The following TSPAN18 variants were observed in gnomAD, a reference collection of about 807,000 sequenced individuals.
The protein encoded by TSPAN18 is tetraspanin 18.
TSPAN18 carries 14 observed loss-of-function variants against 27.3 expected under a neutral mutation model. The ratio of observed to expected loss-of-function variants is 0.51; its 90% CI spans 0.34 to 0.80. The LOEUF (loss-of-function observed/expected upper bound fraction) is 0.80, where lower values mean the gene tolerates loss of function less well. Among genes scored for constraint, TSPAN18 ranks in the 30% least tolerant of loss-of-function variants. TSPAN18 has a pLI of 0.01. For synonymous variants in TSPAN18, 143 were observed against 136.5 expected (o/e 1.05, Z -0.33); for missense variants, 268 against 323.9 (o/e 0.83, Z 1.32).
Position 44,726,978 on chromosome 11 carries a change from G to C in TSPAN18, c.-549G>C, listed in dbSNP as rs1358725801. The C allele has an allele frequency of 2.7e-5, 4 of 147,196 alleles. No individual in the cohort carries two copies. In the South Asian group the frequency reaches 7.6e-4, roughly 28 times the overall value. The allele number at this position is 147,196 out of a possible 1,614,324, so 9.1% of individuals were successfully genotyped here. ...CGGGCGTGCAGCTGCCGCCGGCGTC[G>C]CGGGGCTCCAGGCTGCGGGGCGGAC... On this transcript the variant is annotated 5_prime_UTR_variant, in exon 1 of 10. Coordinates refer to ENST00000520358, the MANE Select transcript of TSPAN18 (RefSeq NM_130783.5).
intron 3 of TSPAN18, among the ~76,000 whole-genome samples, chr11:44,866,956 C>A (rs187997892): frequency 6.6e-6 from 1 of 152,360 alleles, no homozygotes; most frequent in East Asian, 1.9e-4. Flanking sequence ...TCCTGTCACT[C>A]TCATTGGCTG....
intron 2 of TSPAN18, among the ~76,000 whole-genome samples, chr11:44,795,608 T>C (rs1181630717): frequency 6.6e-6 from 1 of 152,024 alleles, no homozygotes; most frequent in Non-Finnish European, 1.5e-5. Flanking sequence ...CTTCCAGGGA[T>C]GAGTTCACAC....
At chr11:44,910,021 G>T in intron 5 of TSPAN18, 122 bp downstream of exon 5, 1 of 1,225,840 alleles carries the variant, frequency 8.2e-7, no homozygotes. Flanking sequence ...GGGGCGGGCT[G>T]TCAAAGCAGA....
In TSPAN18 at chr11:44,869,120, C is replaced by T. The variant is rs138309660; in HGVS notation, c.-11+8651C>T. Among the ~76,000 whole-genome samples, 12 of 152,140 alleles carry T rather than the reference C, an allele frequency of 7.9e-5. No individual in the cohort carries two copies. The South Asian group carries it at 1.0e-3, about 13-fold the overall frequency. ...ACTCTTAGTGTATAGATTTAACTCT[C>T]GAAGAAAGTGATCAGCAAGGATGTG... On this transcript the variant is annotated intron_variant, in intron 3 of 9. Transcript: ENST00000520358.
At chr11:44,761,446 C>T (rs1209845329) in intron 1 of TSPAN18, among the ~76,000 whole-genome samples, 1 of 152,200 alleles carries the variant, frequency 6.6e-6, no homozygotes, top group Non-Finnish European at 1.5e-5. Context: ...ATTCTCAGCC[C>T]AGCTGGTTTC....
chr11:44,879,370 A>G (rs1858426698), intron 3 of TSPAN18, among the ~76,000 whole-genome samples: 1 of 152,144 alleles, frequency 6.6e-6, no homozygotes, highest in African/African-American at 2.4e-5. Flanking sequence ...ATTCAAGAGA[A>G]GGGGAGAGAA....
At chr11:44,762,206 C>A (rs1229552136) in intron 1 of TSPAN18, among the ~76,000 whole-genome samples, 2 of 152,096 alleles carry the variant, frequency 1.3e-5, no homozygotes, top group Non-Finnish European at 2.9e-5. Flanking sequence ...GCTATAGAGG[C>A]CAGAAATGGA....
intron 2 of TSPAN18, among the ~76,000 whole-genome samples, chr11:44,837,436 A>C (rs1857286004): frequency 6.6e-6 from 1 of 152,244 alleles, no homozygotes; most frequent in African/African-American, 2.4e-5. Context: ...AAGCAAAGAG[A>C]TGGAAACTAC....
intron 2 of TSPAN18, among the ~76,000 whole-genome samples, chr11:44,855,604 G>T (rs1332235110): frequency 6.6e-6 from 1 of 152,092 alleles, no homozygotes; most frequent in African/African-American, 2.4e-5. Context: ...TGGTGACAGT[G>T]GCAGAGCTGG....
intron 2 of TSPAN18, among the ~76,000 whole-genome samples, chr11:44,770,094 T>C (rs1245197369): frequency 6.6e-6 from 1 of 152,164 alleles, no homozygotes; most frequent in African/African-American, 2.4e-5. Flanking sequence ...GTTGGGCCCC[T>C]ACCATGTACC....
chr11:44,799,039 A>C (rs1856415544), intron 2 of TSPAN18, among the ~76,000 whole-genome samples: 1 of 83,896 alleles, frequency 1.2e-5, no homozygotes, highest in South Asian at 4.4e-4. Flanking sequence ...CCTCCCAGGC[A>C]GTGCCGCCCC....
At chr11:44,847,671 G>A (rs549732003) in intron 2 of TSPAN18, among the ~76,000 whole-genome samples, 3 of 152,036 alleles carry the variant, frequency 2.0e-5, no homozygotes, top group East Asian at 1.9e-4. Flanking sequence ...TGGGTTGTAT[G>A]GTACCTCCAG....
At chr11:44,871,716 T>A (rs1858200803) in intron 3 of TSPAN18, among the ~76,000 whole-genome samples, 1 of 152,154 alleles carries the variant, frequency 6.6e-6, no homozygotes, top group Non-Finnish European at 1.5e-5. Context: ...TTGGCCAAAA[T>A]GTGCCCTGTT....
intron 5 of TSPAN18, chr11:44,917,747 T>A (rs1367240725): frequency 1.7e-6 from 1 of 581,968 alleles, no homozygotes; most frequent in African/African-American, 1.9e-5. Flanking sequence ...ATGGAAGGTA[T>A]ATATTTGTTT....
intron 9 of TSPAN18, among the ~76,000 whole-genome samples, chr11:44,927,640 C>A (rs779468809): frequency 6.6e-6 from 1 of 152,170 alleles, no homozygotes; most frequent in Non-Finnish European, 1.5e-5. Flanking sequence ...ACACACTGAG[C>A]CCTATTCTTC....
rs959131488 is a variant in TSPAN18, at chr11:44,931,723, G to T, written c.*2545G>T. ...GGCAAAGAAAGCTCAGCCCAAATCA[G>T]GCTTGAGCCTCCCTCCAGAGCACAG... On this transcript the variant is annotated 3_prime_UTR_variant, in exon 10 of 10. Transcript: ENST00000520358. The T allele has an allele frequency of 1.3e-5, 2 of 152,254 alleles. No homozygotes were observed. Among genetic ancestry groups the T allele is most frequent in the African/African-American group, 4.8e-5 (2 of 41,442 alleles). The allele number at this position is 152,254 out of a possible 1,614,324, so 9.4% of individuals were successfully genotyped here. A position where few individuals can be genotyped will look rare whatever the true frequency, so the allele number is the denominator to read the frequency against.
intron 2 of TSPAN18, among the ~76,000 whole-genome samples, chr11:44,774,247 C>T (rs1855753682): frequency 6.6e-6 from 1 of 152,322 alleles, no homozygotes; most frequent in East Asian, 1.9e-4. Context: ...AACCAAGAGG[C>T]AGGCAGGCAT....
intron 2 of TSPAN18, among the ~76,000 whole-genome samples, chr11:44,782,428 A>G (rs1286876969): frequency 4.6e-5 from 7 of 152,092 alleles, no homozygotes; most frequent in African/African-American, 1.4e-4. Flanking sequence ...CTGTAATCCC[A>G]GCTACTCGGG....
At chr11:44,732,992 T>C (rs529527758) in intron 1 of TSPAN18, among the ~76,000 whole-genome samples, 2 of 152,174 alleles carry the variant, frequency 1.3e-5, no homozygotes, top group Non-Finnish European at 2.9e-5. Context: ...TTCTAAAGCA[T>C]GTGGCATCCA....
Sources: allele counts gnomAD v4.1 joint callset (sites outside exome capture counted in the v4.1 genomes callset), GRCh38; gene constraint gnomAD v4.1.1; transcripts MANE v1.5; gene names NCBI Gene and HGNC (gene_info 2026-07-23, HGNC 2026-07-21).